Variants in CER1 observed in about 807,000 individuals in gnomAD.
CER1 encodes the protein cerberus.
In CER1, 10 loss-of-function variants were observed where a neutral mutation model predicts 11.8. The ratio of observed to expected loss-of-function variants is 0.85; its 90% CI spans 0.52 to 1.44. The LOEUF (loss-of-function observed/expected upper bound fraction) is 1.44, where lower values mean the gene tolerates loss of function less well. Ranked by LOEUF, CER1 falls within the 40% of genes most tolerant of loss-of-function variation. The pLI is 0.00. For missense variants in CER1, 431 were observed against 327.0 expected (o/e 1.32, Z -2.45); for synonymous variants, 141 against 122.3 (o/e 1.15, Z -1.01).
Position 14,720,127 on chromosome 9 carries a change from C to T in CER1, c.767G>A (p.Gly256Asp), listed in dbSNP as rs1587561946. 6.2e-7 allele frequency: 1 copy of T among 1,614,024 alleles called. No homozygotes were observed. Reference sequence around the variant, plus strand: ...TCCTGGGATAAAGGAATCCTGGGAGCCAGCATGTAGGATGTGTCCATCTTC... The same window carrying T: ...TCCTGGGATAAAGGAATCCTGGGAGTCAGCATGTAGGATGTGTCCATCTTC... The part of the protein sequence containing the change: ...EHEDGHILHA[G>D]SQDSFIPGVS... Residue 256 changes from glycine (G) to aspartate (D), a missense_variant, in exon 2 of 2, where the codon GGC becomes GAC. Physicochemically the swap from Gly to Asp is moderately conservative, Grantham distance 94. Coordinates refer to ENST00000380911, the MANE Select transcript of CER1 (RefSeq NM_005454.3).
chr9:14,721,817 C>T (rs1162641801), intron 1 of CER1, among the ~76,000 whole-genome samples: 1 of 152,110 alleles, frequency 6.6e-6, no homozygotes, highest in Admixed American at 6.6e-5. Context: ...ACTCTAAATT[C>T]TCAGTTTCCT....
rs750145877 is a variant in CER1, at chr9:14,720,107, G to C, written c.787C>G (p.Pro263Ala). ...ATAGCTCTTCAAGCTGAAACTCCTG[G>C]GATAAAGGAATCCTGGGAGCCAGCA... is the stretch of plus-strand genomic sequence containing the variant. ...LHAGSQDSFI[P>A]GVSA Residue 263 changes from proline to alanine, a missense_variant, in exon 2 of 2, where the codon CCA becomes GCA. Physicochemically the swap from Pro to Ala is conservative, Grantham distance 27 (BLOSUM62 -1). Coordinates refer to ENST00000380911, the MANE Select transcript of CER1 (RefSeq NM_005454.3). 1.2e-6 allele frequency: 2 copies of C among 1,613,574 alleles called. No homozygotes were observed. Among genetic ancestry groups the C allele is most frequent in the Non-Finnish European group, 1.7e-6 (2 of 1,179,596 alleles).
Position 14,719,754 on chromosome 9 carries a change from C to G in CER1, c.*336G>C, listed in dbSNP as rs985450502. 1.4e-5 allele frequency: 3 copies of G among 216,470 alleles called. No homozygotes were observed. The highest frequency in any genetic ancestry group is 2.8e-5 in the Non-Finnish European group (3 of 105,964). 13.4% of individuals were successfully genotyped at this position (216,470 alleles called of 1,614,324 possible). On this transcript the variant is annotated 3_prime_UTR_variant, in exon 2 of 2. Coordinates refer to ENST00000380911, the MANE Select transcript of CER1 (RefSeq NM_005454.3). ...CTTCTTTAGATGGAGGGCTTTTACC[C>G]AAACTTGGAGAAAATGCATCACGGA...
intron 1 of CER1, 63 bp downstream of exon 1, chr9:14,722,103 A>T (rs1263004906): frequency 6.5e-7 from 1 of 1,536,150 alleles, no homozygotes; most frequent in African/African-American, 1.4e-5. Context: ...CCTACTCTCC[A>T]TCCATCCCAG....
chr9:14,718,308 T>C (rs190083657), downstream of CER1, among the ~76,000 whole-genome samples: 56 of 152,300 alleles, frequency 3.7e-4, no homozygotes, highest in African/African-American at 1.3e-3. Context: ...ATAATCAGGG[T>C]TAGGCGATTG....
At chr9:14,719,173 T>C (rs182322501), downstream of CER1, among the ~76,000 whole-genome samples, 8 of 152,318 alleles carry the variant, frequency 5.3e-5, no homozygotes, top group East Asian at 1.3e-3. Context: ...TTTTGGGGGT[T>C]ACTTTCATTA....
At chr9:14,717,445 A>G (rs1185651936), downstream of CER1, among the ~76,000 whole-genome samples, 1 of 152,172 alleles carries the variant, frequency 6.6e-6, no homozygotes, top group Non-Finnish European at 1.5e-5. Context: ...GTCTGAACGG[A>G]AAAGAATAAA....
chr9:14,719,072 T>C (rs936255790), downstream of CER1, among the ~76,000 whole-genome samples: 3 of 152,194 alleles, frequency 2.0e-5, no homozygotes, highest in Non-Finnish European at 2.9e-5. Context: ...CAAAGTTTTA[T>C]TAAATAGCAA....
chr9:14,719,376 G>C (rs959975307), downstream of CER1, among the ~76,000 whole-genome samples: 5 of 152,082 alleles, frequency 3.3e-5, no homozygotes, highest in Non-Finnish European at 7.4e-5. Context: ...TTAAAAAGGA[G>C]GCAACCAAGC....
downstream of CER1, among the ~76,000 whole-genome samples, chr9:14,719,395 C>G (rs919046505): frequency 2.6e-5 from 4 of 152,148 alleles, no homozygotes; most frequent in African/African-American, 9.7e-5. Flanking sequence ...GCAAGTTACT[C>G]CTTACATCTG....
Position 14,722,549 on chromosome 9 carries a change from G to A in CER1, c.124C>T (p.Leu42Phe), listed in dbSNP as rs765084959. Residue 42 changes from leucine (L) to phenylalanine (F), a missense_variant, in exon 1 of 2, where the codon CTT becomes TTT. Coordinates refer to ENST00000380911, the MANE Select transcript of CER1 (RefSeq NM_005454.3). ...GCTTCCTCATGGTTGCCTGTGGGAA[G>A]CTCTCTTTGATTCCTTGGCAGGAGT... ...PVLLPRNQRE[L>F]PTGNHEEAEE... 1.4e-5 allele frequency: 23 copies of A among 1,614,050 alleles called. No individual in the cohort carries two copies. Among genetic ancestry groups the A allele is most frequent in the Non-Finnish European group, 1.8e-5 (21 of 1,180,048 alleles).
chr9:14,721,342 C>A (rs1282095604), intron 1 of CER1, among the ~76,000 whole-genome samples: 1 of 152,084 alleles, frequency 6.6e-6, no homozygotes, highest in African/African-American at 2.4e-5. Context: ...TAGATATTGC[C>A]AGAGGAAGTA....
In CER1 at chr9:14,722,235, C is replaced by T. The variant is rs1190507194; in HGVS notation, c.438G>A (p.Gln146=). 1.2e-6 allele frequency: 2 copies of T among 1,614,244 alleles called. No individual in the cohort carries two copies. The highest frequency in any genetic ancestry group is 2.7e-5 in the African/African-American group (2 of 75,066). The change falls in exon 1 of 2, where the codon CAG becomes CAA. Residue 146 remains glutamine (Q), a synonymous_variant. Coordinates refer to ENST00000380911, the MANE Select transcript of CER1 (RefSeq NM_005454.3). ...HFMFRKTPAS[Q]GVILPIKSHE... ...GGCTTTTGATGGGCAAGATGACCCC[C>T]TGAGAAGCCGGAGTTTTTCTGAACA...
At chr9:14,721,258 C>A (rs376369754) in intron 1 of CER1, among the ~76,000 whole-genome samples, 2 of 152,160 alleles carry the variant, frequency 1.3e-5, no homozygotes, top group African/African-American at 2.4e-5. Flanking sequence ...CTCTACCCTG[C>A]ATGTTTTTGG....
rs781284833 is a variant in CER1 at position 14,720,214 on chromosome 9, G to A, written c.680C>T (p.Ser227Phe). 1.5e-5 allele frequency: 25 copies of A among 1,614,138 alleles called. 1 individual carries two copies. The South Asian group carries it at 2.1e-4, about 13-fold the overall frequency. The change falls in exon 2 of 2, where the codon TCC (serine) becomes TTC (phenylalanine). Residue 227 changes from serine to phenylalanine, a missense_variant. Coordinates refer to ENST00000380911, the MANE Select transcript of CER1 (RefSeq NM_005454.3). Reference sequence around the variant, plus strand: ...CAGCATCACCACCTTGATCACGGAGGAAAGTTCAGTGCAGTTCAGTGGCAA... The same window carrying A: ...CAGCATCACCACCTTGATCACGGAGAAAAGTTCAGTGCAGTTCAGTGGCAA... ...MHLPLNCTEL[S>F]SVIKVVMLVE...
At position 14,722,714 on chromosome 9, in the gene CER1, A is replaced by G. The variant is rs1403461608; in HGVS notation, c.-42T>C. The G allele has an allele frequency of 6.4e-7, 1 of 1,552,752 alleles. No homozygotes were observed. The highest frequency in any genetic ancestry group is 1.4e-5 in the African/African-American group (1 of 73,066). ...GCTTCTTTTGTAAATGATGAGGCCCAAAGGAGAGGCTCATTCTCTGCAGGA... is the reference window on the plus strand; with the variant it reads ...GCTTCTTTTGTAAATGATGAGGCCCGAAGGAGAGGCTCATTCTCTGCAGGA... On this transcript the variant is annotated 5_prime_UTR_variant, in exon 1 of 2. Coordinates refer to ENST00000380911, the MANE Select transcript of CER1 (RefSeq NM_005454.3).
At chr9:14,720,533 G>A (rs1462535366) in intron 1 of CER1, 147 bp from the exon 2 acceptor site, 3 of 759,488 alleles carry the variant, frequency 4.0e-6, no homozygotes, top group Non-Finnish European at 4.1e-6. Context: ...TGCAAGTGAT[G>A]GTATCTATAA....
intron 1 of CER1, 41 bp downstream of exon 1, chr9:14,722,125 C>T: frequency 6.3e-7 from 1 of 1,579,268 alleles, no homozygotes; most frequent in Non-Finnish European, 8.6e-7. Context: ...TGTCCACTAC[C>T]ACCTGCAAAC....
In CER1 at chr9:14,721,461, T is replaced by C. The variant is rs184067680; in HGVS notation, c.507+705A>G. 2.0e-3 allele frequency among the ~76,000 whole-genome samples: 311 copies of C among 152,304 alleles called. 1 individual carries two copies. Among genetic ancestry groups the C allele is most frequent in the Non-Finnish European group, 3.6e-3 (247 of 68,016 alleles). ...AAGGTACTTCTAAGGGGAGGAGATA[T>C]GATCTCACATCAAGATTGATTTTTT... On this transcript the variant is annotated intron_variant, in intron 1 of 1. Coordinates refer to ENST00000380911, the MANE Select transcript of CER1 (RefSeq NM_005454.3).
Sources: allele counts gnomAD v4.1 joint callset (sites outside exome capture counted in the v4.1 genomes callset), GRCh38; gene constraint gnomAD v4.1.1; transcripts MANE v1.5; gene names NCBI Gene and HGNC (gene_info 2026-07-23, HGNC 2026-07-21).